GRIN2B: variants seen among roughly 807,000 people sequenced by gnomAD.
GRIN2B encodes the protein glutamate receptor ionotropic, NMDA 2B.
A neutral mutation model predicts 114.5 loss-of-function variants in GRIN2B; 5 were observed. That is an observed-to-expected ratio of 0.04 (90% CI 0.02 to 0.09). The LOEUF (loss-of-function observed/expected upper bound fraction) is 0.09, where lower values mean the gene tolerates loss of function less well. Ranked by LOEUF, GRIN2B falls within the 10% of genes least tolerant of loss-of-function variation. The probability of loss-of-function intolerance (pLI) is 1.00; values close to 1 mark genes in which losing one functional copy is unlikely to be tolerated. For synonymous variants in GRIN2B, 787 were observed against 745.1 expected (o/e 1.06, Z -0.92); for missense variants, 1,108 against 1,943.5 (o/e 0.57, Z 8.08).
chr12:13,563,400 T>G lies in GRIN2B; in HGVS notation c.3838A>C (p.Lys1280Gln), dbSNP rs772502958. 1.9e-6 allele frequency: 3 copies of G among 1,614,188 alleles called. No homozygotes were observed. In the East Asian group the frequency reaches 6.7e-5, roughly 36 times the overall value. ...GAATTAGTCGGGCTCTGAGGGTACT[T>G]AGTGGTGGAGGCGTTTGACGTCACC... ...VAVTSNASTT[K>Q]YPQSPTNSKA... is the part of the protein sequence containing the mutation. The change falls in exon 14 of 14, where the codon AAG (lysine) becomes CAG (glutamine). Residue 1280 changes from lysine to glutamine, a missense_variant. Physicochemically the swap from Lys to Gln is moderately conservative, Grantham distance 53. Around this residue, in one of 19 missense-constraint regions of GRIN2B, gnomAD observed 478 missense variants for 506.0 expected, o/e 0.94. Transcript: ENST00000609686.
intron 3 of GRIN2B, among the ~76,000 whole-genome samples, chr12:13,829,034 T>A (rs979761467): frequency 2.0e-5 from 3 of 152,166 alleles, no homozygotes; most frequent in African/African-American, 2.4e-5. Flanking sequence ...ACTGGAGCCC[T>A]TCACCTTGCT....
intron 4 of GRIN2B, among the ~76,000 whole-genome samples, chr12:13,707,303 A>T (rs1950369234): frequency 6.6e-6 from 1 of 152,088 alleles, no homozygotes; most frequent in Non-Finnish European, 1.5e-5. Context: ...CGCCCAAACA[A>T]GTAGGTCTCC....
At chr12:13,929,704 T>C (rs1866987706) in intron 2 of GRIN2B, among the ~76,000 whole-genome samples, 1 of 152,186 alleles carries the variant, frequency 6.6e-6, no homozygotes, top group South Asian at 2.1e-4. Flanking sequence ...GTCAGTGGTT[T>C]GAATCTGAGC....
chr12:13,722,221 A>C (rs903250423), intron 4 of GRIN2B, among the ~76,000 whole-genome samples: 1 of 152,116 alleles, frequency 6.6e-6, no homozygotes, highest in African/African-American at 2.4e-5. Flanking sequence ...CAGAAAAACA[A>C]GGAAATAGGC....
chr12:13,867,409 T>C (rs956876192), intron 2 of GRIN2B, among the ~76,000 whole-genome samples: 1 of 152,236 alleles, frequency 6.6e-6, no homozygotes, highest in Non-Finnish European at 1.5e-5. Context: ...CTTATTTTAA[T>C]ATAACTAGTT....
intron 5 of GRIN2B, 132 bp from the exon 6 acceptor site, chr12:13,616,789 G>C: frequency 1.3e-6 from 1 of 742,518 alleles, no homozygotes; most frequent in Non-Finnish European, 2.4e-6. Flanking sequence ...GTACATACTA[G>C]AGATAGGAAT....
intron 4 of GRIN2B, among the ~76,000 whole-genome samples, chr12:13,687,291 G>GT (rs1019040786): frequency 1.4e-4 from 22 of 151,938 alleles, no homozygotes; most frequent in African/African-American, 5.1e-4. Flanking sequence ...GATACTCCCA[G>GT]TTTTTTTTAG....
chr12:13,925,098 A>G (rs2136817392), intron 2 of GRIN2B, among the ~76,000 whole-genome samples: 1 of 152,304 alleles, frequency 6.6e-6, no homozygotes, highest in East Asian at 1.9e-4. Context: ...ACCTGAAACG[A>G]AAACCTACAC....
rs979964924 is a variant in GRIN2B at position 13,952,100 on chromosome 12, C to T, written c.-19+27828G>A. Reference sequence around the variant, plus strand: ...TTGGGGGTGTGAAGAAAGAAGTCAACGTGTATATGGTGATATAAAAATAAA... The same window carrying T: ...TTGGGGGTGTGAAGAAAGAAGTCAATGTGTATATGGTGATATAAAAATAAA... On this transcript the variant is annotated intron_variant, in intron 2 of 13. Coordinates refer to ENST00000609686, the MANE Select transcript of GRIN2B (RefSeq NM_000834.5). Among the ~76,000 whole-genome samples, 5 of 151,208 alleles carry T rather than the reference C, an allele frequency of 3.3e-5. No individual in the cohort carries two copies. In the East Asian group the frequency reaches 7.7e-4, roughly 23 times the overall value.
At position 13,615,342 on chromosome 12, in the gene GRIN2B, T is replaced by G. The variant is rs537590380; in HGVS notation, c.1501-75A>C. 2.1e-5 allele frequency: 32 copies of G among 1,503,226 alleles called. No homozygotes were observed. The African/African-American group carries it at 3.8e-4, about 18-fold the overall frequency. The allele number at this position is 1,503,226 out of a possible 1,614,324, so 93.1% of individuals were successfully genotyped here. A position where few individuals can be genotyped will look rare whatever the true frequency, so the allele number is the denominator to read the frequency against. ...ACCACCACAAGGAAAATACAGCCTA[T>G]CAGTGGTTTTCTTTGTATAGTGGGA... On this transcript the variant is annotated intron_variant, in intron 7 of 13. Transcript: ENST00000609686. The surrounding 1 kb of genome is among the most constrained non-coding windows in gnomAD (Gnocchi z 5.8).
chr12:13,714,815 A>G (rs1379732642), intron 4 of GRIN2B, among the ~76,000 whole-genome samples: 1 of 151,944 alleles, frequency 6.6e-6, no homozygotes, highest in Admixed American at 6.6e-5. Context: ...TGGTCAAGTT[A>G]GGGCTTTTAG....
intron 2 of GRIN2B, among the ~76,000 whole-genome samples, chr12:13,918,753 T>C (rs554752855): frequency 6.6e-6 from 1 of 152,352 alleles, no homozygotes; most frequent in African/African-American, 2.4e-5. Flanking sequence ...ATTATGAAGT[T>C]GAGGTCTCTT....
chr12:13,789,401 G>A (rs895788154), intron 3 of GRIN2B, among the ~76,000 whole-genome samples: 2 of 152,162 alleles, frequency 1.3e-5, no homozygotes, highest in Non-Finnish European at 2.9e-5. Flanking sequence ...CTTGGATGAG[G>A]GAAAAGGATG....
Position 13,563,847 on chromosome 12 carries a change from C to A in GRIN2B, c.3391G>T (p.Asp1131Tyr). The A allele has an allele frequency of 6.2e-7, 1 of 1,614,114 alleles. No homozygotes were observed. Among genetic ancestry groups the A allele is most frequent in the Non-Finnish European group, 8.5e-7 (1 of 1,180,026 alleles). ...GTTCGGAACTGGTCCAGGTAGAAGTCCCGTAGCCCTTCCTTGTCCCTGAAG... is the reference window on the plus strand; with the variant it reads ...GTTCGGAACTGGTCCAGGTAGAAGTACCGTAGCCCTTCCTTGTCCCTGAAG... ...RYFRDKEGLRDFYLDQFRTKE... is the reference protein window; with the variant it reads ...RYFRDKEGLRYFYLDQFRTKE... The change falls in exon 14 of 14, where the codon GAC becomes TAC. Residue 1131 changes from aspartate (D) to tyrosine (Y), a missense_variant. Physicochemically the swap from Asp to Tyr is radical, Grantham distance 160 (BLOSUM62 -3). Transcript: ENST00000609686.
chr12:13,975,893 CA>C (rs1296254988), intron 2 of GRIN2B, among the ~76,000 whole-genome samples: 1 of 152,212 alleles, frequency 6.6e-6, no homozygotes, highest in Non-Finnish European at 1.5e-5. Flanking sequence ...ACCAAGGGGA[CA>C]AGGTAGACGT....
At chr12:13,820,578 T>C (rs944619469) in intron 3 of GRIN2B, among the ~76,000 whole-genome samples, 1 of 152,196 alleles carries the variant, frequency 6.6e-6, no homozygotes, top group African/African-American at 2.4e-5. Context: ...CTTTCCTTAC[T>C]ACAGTTTGAG....
At chr12:13,781,517 G>A (rs1864113253) in intron 3 of GRIN2B, among the ~76,000 whole-genome samples, 1 of 152,186 alleles carries the variant, frequency 6.6e-6, no homozygotes, top group East Asian at 1.9e-4. Context: ...TTGGTAGCTT[G>A]ATCAAGTTTC....
intron 2 of GRIN2B, among the ~76,000 whole-genome samples, chr12:13,921,082 T>C (rs1208699419): frequency 3.9e-4 from 60 of 152,124 alleles, no homozygotes; most frequent in Admixed American, 3.9e-3. Context: ...TGAAACATCA[T>C]AGGGAAAGGG....
chr12:13,824,321 T>C (rs1591752339), intron 3 of GRIN2B, among the ~76,000 whole-genome samples: 2 of 152,348 alleles, frequency 1.3e-5, no homozygotes, highest in East Asian at 1.9e-4. Context: ...GAATGACTTA[T>C]TATTTTTTTC....
Sources: gnomAD v4.1 joint callset for allele counts (sites outside exome capture counted in the v4.1 genomes callset) on GRCh38, gnomAD v4.1.1 for gene constraint, gnomAD v4.1.1 regional missense constraint, Gnocchi (gnomAD v3.1) non-coding constraint, MANE v1.5 for transcripts, NCBI Gene and HGNC (gene_info 2026-07-23, HGNC 2026-07-21) for gene names.